Variants in UGT2A1 observed in about 807,000 individuals in gnomAD.
UGT2A1 encodes UDP-glucuronosyltransferase 2A1.
A neutral mutation model predicts 45.4 loss-of-function variants in UGT2A1; 61 were observed. That is an observed-to-expected ratio of 1.34 (90% CI 1.09 to 1.66). The LOEUF (loss-of-function observed/expected upper bound fraction) is 1.66, where lower values mean the gene tolerates loss of function less well. Ranked by LOEUF, UGT2A1 falls within the 40% of genes most tolerant of loss-of-function variation. The pLI is 0.00. For synonymous variants in UGT2A1, 229 were observed against 196.2 expected (o/e 1.17, Z -1.40); for missense variants, 649 against 574.3 (o/e 1.13, Z -1.33).
At chr4:69,601,038 G>C (rs927853868) in intron 3 of UGT2A1, among the ~76,000 whole-genome samples, 1 of 152,094 alleles carries the variant, frequency 6.6e-6, no homozygotes, top group Non-Finnish European at 1.5e-5. Flanking sequence ...TTTGAGTTTT[G>C]AGAGGAGTGT....
At chr4:69,621,596 T>C (rs1720761418) in intron 3 of UGT2A1, among the ~76,000 whole-genome samples, 1 of 151,912 alleles carries the variant, frequency 6.6e-6, no homozygotes, top group Non-Finnish European at 1.5e-5. Flanking sequence ...AGTGTGGTGA[T>C]TCCTCAAAGC....
At chr4:69,648,786 G>C (rs1560499210) in intron 1 of UGT2A1, among the ~76,000 whole-genome samples, 1 of 151,772 alleles carries the variant, frequency 6.6e-6, no homozygotes, top group Non-Finnish European at 1.5e-5. Context: ...TACCCAAACA[G>C]GACAACTGCA....
chr4:69,640,520 T>A (rs1327445073), intron 2 of UGT2A1, among the ~76,000 whole-genome samples: 1 of 151,814 alleles, frequency 6.6e-6, no homozygotes, highest in Admixed American at 6.6e-5. Flanking sequence ...TCTTAGTGAA[T>A]CCCAAACTGA....
chr4:69,635,858 A>C (rs1577997875), intron 2 of UGT2A1, 36 bp from the exon 3 acceptor site: 1 of 148,464 alleles, frequency 6.7e-6, no homozygotes, highest in South Asian at 2.0e-4. Flanking sequence ...AAAGAGAGAG[A>C]GAGAGAGAAA....
intron 2 of UGT2A1, chr4:69,639,173 C>A (rs1306374515): frequency 1.2e-6 from 2 of 1,613,634 alleles, no homozygotes; most frequent in East Asian, 2.2e-5. Flanking sequence ...GGTCTGCTAC[C>A]AACACATCAA....
chr4:69,591,916 C>T (rs1577939301), intron 6 of UGT2A1, among the ~76,000 whole-genome samples: 1 of 152,078 alleles, frequency 6.6e-6, no homozygotes, highest in South Asian at 2.1e-4. Flanking sequence ...AAGCTCCTAA[C>T]CCACCACTTA....
intron 3 of UGT2A1, among the ~76,000 whole-genome samples, chr4:69,605,087 G>A (rs1383603524): frequency 7.3e-6 from 1 of 136,932 alleles, no homozygotes; most frequent in Non-Finnish European, 1.6e-5. Flanking sequence ...CACATCTACA[G>A]AATTATCCAC....
intron 3 of UGT2A1, among the ~76,000 whole-genome samples, chr4:69,605,464 G>C (rs1719552065): frequency 7.3e-6 from 1 of 136,494 alleles, no homozygotes; most frequent in South Asian, 2.4e-4. Context: ...CCACAGAACA[G>C]AGCAGGAAAG....
At chr4:69,646,189 G>T (rs967979196) in intron 2 of UGT2A1, among the ~76,000 whole-genome samples, 2 of 151,730 alleles carry the variant, frequency 1.3e-5, no homozygotes, top group African/African-American at 4.8e-5. Flanking sequence ...GCTTAGTAAA[G>T]AGTAAGAAAT....
intron 2 of UGT2A1, 103 bp downstream of exon 2, chr4:69,646,827 A>T (rs1026747658): frequency 1.3e-6 from 1 of 775,570 alleles, no homozygotes; most frequent in African/African-American, 1.8e-5. Flanking sequence ...TAGTACATCA[A>T]TACTTGGAAT....
At chr4:69,648,421 AC>A (rs1722379773) in intron 1 of UGT2A1, among the ~76,000 whole-genome samples, 1 of 151,914 alleles carries the variant, frequency 6.6e-6, no homozygotes. Context: ...GCATACATCT[AC>A]CAAAAGTGCT....
rs1156928365 is a variant in UGT2A1 at position 69,602,525 on chromosome 4, A to G, written c.848-3131T>C. ...TATCTATCTGATATCATGTTATGTA[A>G]CAAATCCAAAACAATATACAGATAA... On this transcript the variant is annotated intron_variant, in intron 3 of 6. Coordinates refer to ENST00000286604, the MANE Select transcript of UGT2A1 (RefSeq NM_001252275.3). Among the ~76,000 whole-genome samples the G allele has an allele frequency of 2.9e-5, 4 of 137,158 alleles. 1 individual carries two copies. The highest frequency in any genetic ancestry group is 1.4e-4 in the Admixed American group (2 of 13,950). The allele number at this position is 137,158 out of a possible 152,430, so 90.0% of individuals were successfully genotyped here.
At chr4:69,643,989 T>C (rs1007884393) in intron 2 of UGT2A1, among the ~76,000 whole-genome samples, 10 of 151,644 alleles carry the variant, frequency 6.6e-5, no homozygotes, top group African/African-American at 2.4e-4. Context: ...ACCTGGTCTT[T>C]TAAATATGAC....
intron 3 of UGT2A1, among the ~76,000 whole-genome samples, chr4:69,617,477 G>A (rs970844676): frequency 8.6e-5 from 13 of 151,810 alleles, no homozygotes; most frequent in East Asian, 7.7e-4. Flanking sequence ...ACGTATATAC[G>A]TAGACGTACA....
rs1037473944 is a variant in UGT2A1 at position 69,601,754 on chromosome 4, G to A, written c.848-2360C>T. Reference sequence around the variant, plus strand: ...AGCTGGTGCTGGTATCCACTGATGGGAGACTAGAGGACAGGTCATATCACT... The same window carrying A: ...AGCTGGTGCTGGTATCCACTGATGGAAGACTAGAGGACAGGTCATATCACT... On this transcript the variant is annotated intron_variant, in intron 3 of 6. Coordinates refer to ENST00000286604, the MANE Select transcript of UGT2A1 (RefSeq NM_001252275.3). Among the ~76,000 whole-genome samples the A allele has an allele frequency of 2.2e-4, 19 of 86,086 alleles. 5 individuals are homozygous for A. The highest frequency in any genetic ancestry group is 7.5e-4 in the South Asian group (2 of 2,674). 56.5% of individuals were successfully genotyped at this position (86,086 alleles called of 152,430 possible). A position where few individuals can be genotyped will look rare whatever the true frequency, so the allele number is the denominator to read the frequency against.
chr4:69,618,946 G>A (rs1002438389), intron 3 of UGT2A1, among the ~76,000 whole-genome samples: 16 of 151,758 alleles, frequency 1.1e-4, no homozygotes, highest in Admixed American at 7.2e-4. Flanking sequence ...AGACAAAGAT[G>A]TTGTTTAACA....
intron 3 of UGT2A1, among the ~76,000 whole-genome samples, chr4:69,606,809 G>A (rs1356781205): frequency 2.9e-5 from 4 of 136,322 alleles, no homozygotes; most frequent in East Asian, 4.1e-4. Flanking sequence ...TCACGAGTGA[G>A]CTCCCATTCA....
chr4:69,652,047 C>T (rs555210962), intron 1 of UGT2A1, among the ~76,000 whole-genome samples: 29 of 152,170 alleles, frequency 1.9e-4, no homozygotes, highest in African/African-American at 3.9e-4. Flanking sequence ...AATAAACTTC[C>T]GCTCCTGCTC....
Position 69,647,096 on chromosome 4 carries a change from A to T in UGT2A1, c.549T>A (p.Cys183Ter). 6.2e-7 allele frequency: 1 copy of T among 1,612,894 alleles called. No homozygotes were observed. The highest frequency in any genetic ancestry group is 8.5e-7 in the Non-Finnish European group (1 of 1,179,306). Reference sequence around the variant, plus strand: ...AGGAAGGAGGGTATGGTACCTTCCCACAGTGCTTTTCCACTGTTGAGGCTG... The same window carrying T: ...AGGAAGGAGGGTATGGTACCTTCCCTCAGTGCTTTTCCACTGTTGAGGCTG... ...FSPASTVEKH[C>*]GKVPYPPSYV... Residue 183 changes from cysteine (C) to a stop codon, truncating the protein, a stop_gained, in exon 2 of 7, where the codon TGT becomes TGA. Coordinates refer to ENST00000286604, the MANE Select transcript of UGT2A1 (RefSeq NM_001252275.3). LOFTEE classifies it high-confidence loss of function.
Sources: gnomAD v4.1 joint callset for allele counts (sites outside exome capture counted in the v4.1 genomes callset) on GRCh38, gnomAD v4.1.1 for gene constraint, MANE v1.5 for transcripts, NCBI Gene and HGNC (gene_info 2026-07-23, HGNC 2026-07-21) for gene names.